PDE7B: variants seen among roughly 807,000 people sequenced by gnomAD.
PDE7B encodes 3',5'-cyclic-AMP phosphodiesterase 7B.
PDE7B carries 29 observed loss-of-function variants against 56.2 expected under a neutral mutation model. The ratio of observed to expected loss-of-function variants is 0.52; its 90% CI spans 0.38 to 0.70. The LOEUF is 0.70. PDE7B is among the 30% of genes least tolerant of loss of function. PDE7B has a pLI of 0.00. For synonymous variants in PDE7B, 197 were observed against 196.9 expected, an observed-to-expected ratio of 1.00 and a Z score of 0.00; for missense variants, 490 against 565.0, an observed-to-expected ratio of 0.87 and a Z score of 1.35.
rs140446840 is a variant in PDE7B at position 136,020,747 on chromosome 6, A to G, written c.82+73223A>G. Among the ~76,000 whole-genome samples the G allele has an allele frequency of 2.8e-3, 421 of 151,912 alleles. 2 individuals are homozygous for G. Among genetic ancestry groups the G allele is most frequent in the African/African-American group, 9.4e-3 (392 of 41,580 alleles). On this transcript the variant is annotated intron_variant, in intron 2 of 12. Coordinates refer to ENST00000308191, the MANE Select transcript of PDE7B (RefSeq NM_018945.4). ...AAGAGCAAGGGACTCACCGAAAATT[A>G]TTCTAGTGAAATAATTATCTTTCAG... is the stretch of plus-strand genomic sequence containing the variant.
intron 2 of PDE7B, among the ~76,000 whole-genome samples, chr6:136,089,486 T>C (rs1777350295): frequency 6.6e-6 from 1 of 152,262 alleles, no homozygotes; most frequent in Non-Finnish European, 1.5e-5. Flanking sequence ...GATGCAATTG[T>C]TCATTTGATG....
chr6:136,168,398 T>C (rs1368024963), intron 8 of PDE7B, among the ~76,000 whole-genome samples: 2 of 152,152 alleles, frequency 1.3e-5, no homozygotes, highest in African/African-American at 4.8e-5. Context: ...AGCATGATCA[T>C]ACCAGAGGCC....
chr6:136,020,286 T>C (rs1259089220), intron 2 of PDE7B, among the ~76,000 whole-genome samples: 1 of 152,212 alleles, frequency 6.6e-6, no homozygotes, highest in Non-Finnish European at 1.5e-5. Flanking sequence ...TGCTCCACCT[T>C]CCGGCTGACT....
intron 1 of PDE7B, among the ~76,000 whole-genome samples, chr6:135,897,937 C>G (rs2128191211): frequency 6.6e-6 from 1 of 152,308 alleles, no homozygotes; most frequent in East Asian, 1.9e-4. Flanking sequence ...CGCTGCAAGA[C>G]AGCTGCTGCT....
intron 2 of PDE7B, among the ~76,000 whole-genome samples, chr6:135,998,798 T>C (rs1048943798): frequency 2.0e-5 from 3 of 151,698 alleles, no homozygotes; most frequent in African/African-American, 4.8e-5. Context: ...AAAACACTCC[T>C]TAAAGTGATA....
intron 2 of PDE7B, among the ~76,000 whole-genome samples, chr6:136,054,391 T>C (rs1776691034): frequency 2.0e-5 from 3 of 152,196 alleles, no homozygotes; most frequent in Admixed American, 2.0e-4. Context: ...TGCTGAGGAC[T>C]CTGTTCTGTT....
intron 2 of PDE7B, among the ~76,000 whole-genome samples, chr6:135,982,964 TC>T (rs1775320680): frequency 6.6e-6 from 1 of 152,206 alleles, no homozygotes; most frequent in Non-Finnish European, 1.5e-5. Flanking sequence ...CTCTGTTTTG[TC>T]CTCATCTAGT....
At chr6:136,018,761 ATAT>A (rs1344859076) in intron 2 of PDE7B, among the ~76,000 whole-genome samples, 3 of 152,002 alleles carry the variant, frequency 2.0e-5, no homozygotes, top group Non-Finnish European at 2.9e-5. Flanking sequence ...ATATATTTAT[ATAT>A]TATTTATACA....
At position 136,054,463 on chromosome 6, in the gene PDE7B, T is replaced by A. The variant is rs557626488; in HGVS notation, c.83-54268T>A. The stretch of plus-strand genomic sequence containing the variant: ...TGCTGTTTTGGTTACTGTAGACTTG[T>A]AGTATAGTTTGAAGTCAGGTAGCAT... On this transcript the variant is annotated intron_variant, in intron 2 of 12. Transcript: ENST00000308191. 2.6e-5 allele frequency among the ~76,000 whole-genome samples: 4 copies of A among 152,344 alleles called. No individual in the cohort carries two copies. The South Asian group carries it at 8.3e-4, about 32-fold the overall frequency.
chr6:135,921,574 T>C (rs2128195454), intron 1 of PDE7B, among the ~76,000 whole-genome samples: 1 of 151,444 alleles, frequency 6.6e-6, no homozygotes, highest in South Asian at 2.1e-4. Context: ...TTCTGAAGAT[T>C]TTTTTTTCAA....
At chr6:136,060,864 A>G (rs895436279) in intron 2 of PDE7B, among the ~76,000 whole-genome samples, 9 of 152,180 alleles carry the variant, frequency 5.9e-5, no homozygotes, top group South Asian at 2.1e-4. Flanking sequence ...TTCATTTGAT[A>G]TATTCCACTT....
chr6:136,057,373 T>A (rs1257410991), intron 2 of PDE7B, among the ~76,000 whole-genome samples: 1 of 152,232 alleles, frequency 6.6e-6, no homozygotes, highest in Non-Finnish European at 1.5e-5. Context: ...ATGGTAAATC[T>A]TGAAAGTATC....
intron 8 of PDE7B, 57 bp from the exon 9 acceptor site, chr6:136,173,740 G>T (rs1289348379): frequency 2.6e-6 from 3 of 1,133,968 alleles, no homozygotes; most frequent in East Asian, 4.7e-5. Context: ...TGTTCAGCAT[G>T]AAAGATCAGT....
intron 2 of PDE7B, among the ~76,000 whole-genome samples, chr6:136,085,538 C>T (rs1777277602): frequency 6.6e-6 from 1 of 152,092 alleles, no homozygotes; most frequent in Non-Finnish European, 1.5e-5. Context: ...GCTGAGTGTT[C>T]AGAGAAACAG....
chr6:135,882,701 G>A (rs1775631589), intron 1 of PDE7B, among the ~76,000 whole-genome samples: 1 of 152,128 alleles, frequency 6.6e-6, no homozygotes, highest in Admixed American at 6.6e-5. Context: ...TGCTGTGTGA[G>A]CTCTGCAACT....
chr6:135,870,726 G>C (rs1775362800), intron 1 of PDE7B, among the ~76,000 whole-genome samples: 1 of 151,814 alleles, frequency 6.6e-6, no homozygotes, highest in African/African-American at 2.4e-5. Context: ...GTGAAACAGA[G>C]ATGAAAAGTC....
chr6:135,906,829 T>TTTTGTTTTTTGTTTTTTTTG (rs1185021608), intron 1 of PDE7B, among the ~76,000 whole-genome samples: 1 of 142,604 alleles, frequency 7.0e-6, no homozygotes, highest in African/African-American at 2.8e-5. Flanking sequence ...TTTTTTTTTT[T>TTTTGTTTTTTGTTTTTTTTG]TTTTTTTAAT....
At chr6:135,987,826 G>GACACAC (rs1238699574) in intron 2 of PDE7B, among the ~76,000 whole-genome samples, 1 of 150,384 alleles carries the variant, frequency 6.6e-6, no homozygotes, top group Admixed American at 6.6e-5. Context: ...AAATAATAAA[G>GACACAC]ACACACACAC....
In PDE7B at chr6:135,965,612, G is replaced by A. The variant is rs543025892; in HGVS notation, c.82+18088G>A. On this transcript the variant is annotated intron_variant, in intron 2 of 12. Coordinates refer to ENST00000308191, the MANE Select transcript of PDE7B (RefSeq NM_018945.4). ...GCAGGCAAGAGAGAACTTGTGCAGGGAAACTCCCCTTTATAAAACCATCAG... is the reference window on the plus strand; with the variant it reads ...GCAGGCAAGAGAGAACTTGTGCAGGAAAACTCCCCTTTATAAAACCATCAG... Among the ~76,000 whole-genome samples, 11 of 152,252 alleles carry A rather than the reference G, an allele frequency of 7.2e-5. No homozygotes were observed. The South Asian group carries it at 2.3e-3, about 32-fold the overall frequency.
Sources: allele counts gnomAD v4.1 joint callset (sites outside exome capture counted in the v4.1 genomes callset), GRCh38; gene constraint gnomAD v4.1.1; transcripts MANE v1.5; gene names NCBI Gene and HGNC (gene_info 2026-07-23, HGNC 2026-07-21).